The following M1AP variants were observed in gnomAD, a reference collection of about 807,000 sequenced individuals.
M1AP encodes the protein meiosis 1 associated protein.
In M1AP, 39 loss-of-function variants were observed where a neutral mutation model predicts 51.2. The ratio of observed to expected loss-of-function variants is 0.76; its 90% CI spans 0.59 to 1.00. The LOEUF is 1.00. Among genes scored for constraint, M1AP ranks in the 50% least tolerant of loss-of-function variants. M1AP has a pLI of 0.00. For missense variants in M1AP, 545 were observed against 641.2 expected (o/e 0.85, Z 1.62); for synonymous variants, 251 against 249.2 (o/e 1.01, Z -0.07).
At chr2:74,644,133 A>G (rs1683463895) in intron 1 of M1AP, among the ~76,000 whole-genome samples, 1 of 152,258 alleles carries the variant, frequency 6.6e-6, no homozygotes, top group Non-Finnish European at 1.5e-5. Flanking sequence ...GTTTTTAGCT[A>G]AAGAATGTAG....
At chr2:74,588,929 T>C (rs1287794586) in intron 4 of M1AP, among the ~76,000 whole-genome samples, 1 of 152,246 alleles carries the variant, frequency 6.6e-6, no homozygotes. Flanking sequence ...ATTGGTGTCA[T>C]CAAGAAAAGA....
chr2:74,622,524 C>T (rs1288138241), intron 2 of M1AP, among the ~76,000 whole-genome samples: 5 of 150,156 alleles, frequency 3.3e-5, no homozygotes, highest in Non-Finnish European at 5.9e-5. Context: ...CGTGAGCCAC[C>T]GCGCCCGGCC....
chr2:74,570,459 C>G (rs1678667973), intron 7 of M1AP, among the ~76,000 whole-genome samples: 1 of 152,098 alleles, frequency 6.6e-6, no homozygotes, highest in South Asian at 2.1e-4. Context: ...TTTGGGTAGT[C>G]AAATTATATC....
Position 74,566,866 on chromosome 2 carries a change from G to A in M1AP, c.1075-4443C>T, listed in dbSNP as rs115434403. Among the ~76,000 whole-genome samples the A allele has an allele frequency of 1.5e-3, 236 of 152,292 alleles. 1 individual carries two copies. The highest frequency in any genetic ancestry group is 5.5e-3 in the African/African-American group (227 of 41,554). ...TCATGGCTTGAATCCTGTAACTTCTGTGGCCAATTAGGGCAGACATGGACT... is the reference window on the plus strand; with the variant it reads ...TCATGGCTTGAATCCTGTAACTTCTATGGCCAATTAGGGCAGACATGGACT... On this transcript the variant is annotated intron_variant, in intron 7 of 10. Coordinates refer to ENST00000421985, the MANE Select transcript of M1AP (RefSeq NM_001321739.2).
At chr2:74,587,157 C>G (rs1679757720) in intron 4 of M1AP, among the ~76,000 whole-genome samples, 2 of 151,882 alleles carry the variant, frequency 1.3e-5, no homozygotes, top group Admixed American at 1.3e-4. Flanking sequence ...CTCTCATCCA[C>G]AAAATGAACT....
At chr2:74,569,199 T>C (rs1387937634) in intron 7 of M1AP, among the ~76,000 whole-genome samples, 2 of 152,168 alleles carry the variant, frequency 1.3e-5, no homozygotes, top group African/African-American at 2.4e-5. Flanking sequence ...ATGGAAATTG[T>C]AGAACTGCTA....
At chr2:74,560,108 G>C (rs756633492) in intron 9 of M1AP, 43 bp downstream of exon 9, 4 of 1,603,082 alleles carry the variant, frequency 2.5e-6, no homozygotes, top group Non-Finnish European at 3.4e-6. Flanking sequence ...ATGAAGGGGA[G>C]GGAGGGGAAG....
At chr2:74,587,483 C>A (rs560663939) in intron 4 of M1AP, among the ~76,000 whole-genome samples, 1 of 152,208 alleles carries the variant, frequency 6.6e-6, no homozygotes, top group Non-Finnish European at 1.5e-5. Flanking sequence ...CAGGTGTGAG[C>A]TACCACGCCT....
intron 4 of M1AP, among the ~76,000 whole-genome samples, chr2:74,598,275 A>G (rs1177539395): frequency 6.6e-6 from 1 of 152,100 alleles, no homozygotes; most frequent in Non-Finnish European, 1.5e-5. Flanking sequence ...CCAGCTACTC[A>G]GGAGGCTGAG....
intron 1 of M1AP, 136 bp from the exon 2 acceptor site, chr2:74,640,463 ATTTT>A (rs757761825): frequency 3.1e-4 from 158 of 517,940 alleles, no homozygotes; most frequent in Middle Eastern, 5.6e-4. Flanking sequence ...AGGCCATCCT[ATTTT>A]TTTTTTTTTT....
intron 7 of M1AP, among the ~76,000 whole-genome samples, chr2:74,562,709 G>A (rs1573056738): frequency 6.6e-6 from 1 of 152,114 alleles, no homozygotes; most frequent in East Asian, 1.9e-4. Flanking sequence ...CATCCCAGAG[G>A]GGCCTACCAC....
Position 74,560,164 on chromosome 2 carries a change from C to G in M1AP, c.1409G>C (p.Arg470Pro), listed in dbSNP as rs753332334. 2 of 1,613,680 alleles carry G rather than the reference C, an allele frequency of 1.2e-6. 1 individual carries two copies. Among genetic ancestry groups the G allele is most frequent in the South Asian group, 2.2e-5 (2 of 91,032 alleles). ...GGGGAGCGGTACCTTTCTCGGAGCT[C>G]GGCTCTCCCAGTGTGGGTGGAGCCG... ...QGRLHPHWES[R>P]APRKHPCKTG... The change falls in exon 9 of 11, where the codon CGA (arginine) becomes CCA (proline). Residue 470 changes from arginine to proline, a missense_variant. Arg to Pro is a moderately radical substitution (Grantham distance 103, BLOSUM62 -2). Coordinates refer to ENST00000421985, the MANE Select transcript of M1AP (RefSeq NM_001321739.2).
At chr2:74,576,657 T>C (rs1340689344) in intron 5 of M1AP, 39 bp from the exon 6 acceptor site, 4 of 1,604,780 alleles carry the variant, frequency 2.5e-6, no homozygotes, top group African/African-American at 2.7e-5. Context: ...CACACTACAA[T>C]TGGAGGAAGG....
chr2:74,613,539 T>C (rs1481201408), intron 3 of M1AP, among the ~76,000 whole-genome samples: 1 of 124,872 alleles, frequency 8.0e-6, no homozygotes, highest in African/African-American at 4.5e-5. Flanking sequence ...TGGGCTGAAG[T>C]TGAGTATTCC....
chr2:74,594,101 T>C (rs1680191634), intron 4 of M1AP, among the ~76,000 whole-genome samples: 3 of 152,256 alleles, frequency 2.0e-5, no homozygotes, highest in Admixed American at 2.0e-4. Context: ...TCTGAGTCCC[T>C]GCTCACTGCA....
At chr2:74,585,438 C>T (rs780800512) in intron 4 of M1AP, among the ~76,000 whole-genome samples, 3 of 152,154 alleles carry the variant, frequency 2.0e-5, no homozygotes, top group Admixed American at 6.5e-5. Context: ...TCTGATCCTG[C>T]GAAGCTAAAG....
intron 2 of M1AP, chr2:74,628,358 T>TA (rs1397288937): frequency 5.3e-6 from 2 of 379,472 alleles, no homozygotes; most frequent in African/African-American, 4.2e-5. Flanking sequence ...TGTTTCGTCT[T>TA]AAAAACTGCT....
chr2:74,594,141 A>C (rs1266718203), intron 4 of M1AP, among the ~76,000 whole-genome samples: 1 of 152,210 alleles, frequency 6.6e-6, no homozygotes, highest in African/African-American at 2.4e-5. Context: ...TGAGTTTAAC[A>C]AAGTTAATTT....
chr2:74,582,337 T>C (rs1679457650), intron 4 of M1AP, among the ~76,000 whole-genome samples: 1 of 152,188 alleles, frequency 6.6e-6, no homozygotes, highest in African/African-American at 2.4e-5. Flanking sequence ...GCAAAGATGT[T>C]TGGTATAGCA....
Sources: gnomAD v4.1 joint callset for allele counts (sites outside exome capture counted in the v4.1 genomes callset) on GRCh38, gnomAD v4.1.1 for gene constraint, MANE v1.5 for transcripts, NCBI Gene and HGNC (gene_info 2026-07-23, HGNC 2026-07-21) for gene names.